Variants in ATF7 observed in about 807,000 individuals in gnomAD.
ATF7 encodes the protein cyclic AMP-dependent transcription factor ATF-7.
In ATF7, 10 loss-of-function variants were observed where a neutral mutation model predicts 50.4. That is an observed-to-expected ratio of 0.20 (90% CI 0.12 to 0.34). The LOEUF (loss-of-function observed/expected upper bound fraction) is 0.34. Among genes scored for constraint, ATF7 ranks in the 10% least tolerant of loss-of-function variants. The pLI is 1.00. For missense variants in ATF7, 465 were observed against 613.9 expected, an observed-to-expected ratio of 0.76 and a Z score of 2.56; for synonymous variants, 201 against 226.4, an observed-to-expected ratio of 0.89 and a Z score of 1.01.
intron 2 of ATF7, 85 bp downstream of exon 2, chr12:53,600,868 T>TG (rs1422117339): frequency 2.2e-6 from 3 of 1,349,604 alleles, no homozygotes; most frequent in Non-Finnish European, 3.1e-6. Flanking sequence ...CGTAAAATAC[T>TG]GGCTTTAAAC....
In ATF7 at chr12:53,516,718, G is replaced by A. The variant is rs1937723957; in HGVS notation, c.*419C>T. On this transcript the variant is annotated 3_prime_UTR_variant, in exon 12 of 12. Coordinates refer to ENST00000420353, the MANE Select transcript of ATF7 (RefSeq NM_006856.3). ...AAATCTAGCCTCCCTCTATCTGGCA[G>A]GAAGTGGCATGCTGGTAAGGAACAA... The A allele has an allele frequency of 1.0e-5, 2 of 192,444 alleles. No homozygotes were observed. Among genetic ancestry groups the A allele is most frequent in the Admixed American group, 1.1e-4 (2 of 18,990 alleles). The allele number at this position is 192,444 out of a possible 1,614,324, so 11.9% of individuals were successfully genotyped here. A position where few individuals can be genotyped will look rare whatever the true frequency, so the allele number is the denominator to read the frequency against.
intron 2 of ATF7, among the ~76,000 whole-genome samples, chr12:53,578,783 CA>C (rs10718181): frequency 0.38 from 40,117 of 106,634 alleles, 6,205 homozygotes; most frequent in African/African-American, 0.5. Flanking sequence ...GATGCTGTCT[CA>C]AAAAAAAAAA....
At chr12:53,542,175 C>T (rs1464422239) in intron 4 of ATF7, among the ~76,000 whole-genome samples, 2 of 147,188 alleles carry the variant, frequency 1.4e-5, no homozygotes, top group Non-Finnish European at 3.0e-5. Flanking sequence ...CCTGTAATCC[C>T]AGCCCTTTGG....
intron 2 of ATF7, among the ~76,000 whole-genome samples, chr12:53,578,151 T>C (rs1192968872): frequency 1.3e-5 from 2 of 152,106 alleles, no homozygotes; most frequent in Non-Finnish European, 2.9e-5. Flanking sequence ...GGCAGATGGA[T>C]TGCTTGTGTC....
At chr12:53,569,191 T>G (rs2137611304) in intron 2 of ATF7, among the ~76,000 whole-genome samples, 1 of 148,694 alleles carries the variant, frequency 6.7e-6, no homozygotes, top group South Asian at 2.1e-4. Context: ...AAATAAAAAA[T>G]AAAAAAGGAA....
rs1242121330 is a variant in ATF7, at chr12:53,587,820, C to CATATATATATATATATATAT, written c.48+13113_48+13132dup. Among the ~76,000 whole-genome samples, 130 of 66,924 alleles carry CATATATATATATATATATAT rather than the reference C, an allele frequency of 1.9e-3. 5 individuals are homozygous for CATATATATATATATATATAT. The highest frequency in any genetic ancestry group is 2.5e-3 in the Non-Finnish European group (76 of 30,028). 43.9% of individuals were successfully genotyped at this position (66,924 alleles called of 152,430 possible). On this transcript the variant is annotated intron_variant, in intron 2 of 11. Coordinates refer to ENST00000420353, the MANE Select transcript of ATF7 (RefSeq NM_006856.3). ...TTTTGATCCTCTATGTATACTTCTA[C>CATATATATATATATATATAT]ATATATATATATATATATATATATT...
rs371003965 is a variant in ATF7 at position 53,580,058 on chromosome 12, G to A, written c.48+20895C>T. ...CGATCCTCCTGCCTCAGCCTCTTGA[G>A]TAGTTGAGACTACAAGCGCACACTG... On this transcript the variant is annotated intron_variant, in intron 2 of 11. Coordinates refer to ENST00000420353, the MANE Select transcript of ATF7 (RefSeq NM_006856.3). Among the ~76,000 whole-genome samples the A allele has an allele frequency of 1.6e-4, 25 of 152,024 alleles. No individual in the cohort carries two copies. In the East Asian group the frequency reaches 4.1e-3, roughly 25 times the overall value.
chr12:53,610,527 T>C (rs1943819004), intron 1 of ATF7, among the ~76,000 whole-genome samples: 1 of 143,930 alleles, frequency 6.9e-6, no homozygotes, highest in South Asian at 2.2e-4. Context: ...ATCACACCAC[T>C]GCACTCCAGC....
chr12:53,611,145 C>T (rs998998050), intron 1 of ATF7, among the ~76,000 whole-genome samples: 2 of 151,996 alleles, frequency 1.3e-5, no homozygotes, highest in African/African-American at 4.8e-5. Flanking sequence ...ACATTTTTAA[C>T]ATTAAGCATG....
At chr12:53,596,131 C>T (rs1178569356) in intron 2 of ATF7, among the ~76,000 whole-genome samples, 1 of 152,072 alleles carries the variant, frequency 6.6e-6, no homozygotes, top group Non-Finnish European at 1.5e-5. Flanking sequence ...AAACCTGTCT[C>T]TACTAAAAAT....
chr12:53,534,470 C>A (rs61921061), intron 6 of ATF7, 32 bp downstream of exon 6: 1 of 1,612,892 alleles, frequency 6.2e-7, no homozygotes, highest in African/African-American at 1.3e-5. Flanking sequence ...GAAATGCAGC[C>A]TTCACTACTT....
chr12:53,541,524 A>C (rs771783763), intron 4 of ATF7, among the ~76,000 whole-genome samples: 2 of 152,168 alleles, frequency 1.3e-5, no homozygotes, highest in Admixed American at 1.3e-4. Context: ...TGCTTCTTCA[A>C]GTATTTCCTC....
chr12:53,524,565 C>T lies in ATF7; in HGVS notation c.1124G>A (p.Ser375Asn). The T allele has an allele frequency of 1.2e-6, 2 of 1,613,822 alleles. No homozygotes were observed. The highest frequency in any genetic ancestry group is 1.7e-6 in the Non-Finnish European group (2 of 1,179,892). The change falls in exon 10 of 12, where the codon AGT becomes AAT. Residue 375 changes from serine (S) to asparagine (N), a missense_variant and splice_region_variant. Ser to Asn is a conservative substitution (Grantham distance 46). Transcript: ENST00000420353. This position sits in a 1 kb window ranked among gnomAD's most constrained non-coding sequence, Gnocchi z 4.6. ...AATAAGCATCCAGGACCCACTCACACTCAGCTGAATGTTCTGAGAAGTGAG... is the reference window on the plus strand; with the variant it reads ...AATAAGCATCCAGGACCCACTCACATTCAGCTGAATGTTCTGAGAAGTGAG... Reference protein sequence around the residue: ...EELTSQNIQLSNEVTLLRNEV... With the variant: ...EELTSQNIQLNNEVTLLRNEV...
chr12:53,603,261 C>G (rs1194228077), intron 1 of ATF7, among the ~76,000 whole-genome samples: 1 of 152,086 alleles, frequency 6.6e-6, no homozygotes, highest in African/African-American at 2.4e-5. Context: ...TGGCTTCCCT[C>G]AAACCACAAA....
At chr12:53,548,302 G>A (rs943514443) in intron 3 of ATF7, among the ~76,000 whole-genome samples, 9 of 151,860 alleles carry the variant, frequency 5.9e-5, no homozygotes, top group African/African-American at 9.7e-5. Context: ...CCACTGTGTC[G>A]CTAGGCCCCA....
chr12:53,508,727 C>T (rs1944072394), downstream of ATF7, among the ~76,000 whole-genome samples: 1 of 152,174 alleles, frequency 6.6e-6, no homozygotes, highest in Non-Finnish European at 1.5e-5. Flanking sequence ...TGAAGCACTG[C>T]TGCCACCCTG....
chr12:53,555,807 G>A (rs1230023973), intron 2 of ATF7, among the ~76,000 whole-genome samples: 5 of 150,598 alleles, frequency 3.3e-5, no homozygotes, highest in East Asian at 2.0e-4. Flanking sequence ...ATCATGCCCC[G>A]TCTTTTTTTG....
intron 1 of ATF7, among the ~76,000 whole-genome samples, chr12:53,616,956 A>G (rs1274122423): frequency 6.6e-6 from 1 of 152,018 alleles, no homozygotes; most frequent in Non-Finnish European, 1.5e-5. Context: ...AAAAAAAAAA[A>G]AAAAAAGGTG....
At chr12:53,551,531 A>G (rs1418232092) in intron 3 of ATF7, among the ~76,000 whole-genome samples, 1 of 152,214 alleles carries the variant, frequency 6.6e-6, no homozygotes, top group African/African-American at 2.4e-5. Context: ...AAGGATTACA[A>G]ATCTACAAGC....
Sources: gnomAD v4.1 joint callset for allele counts (sites outside exome capture counted in the v4.1 genomes callset) on GRCh38, gnomAD v4.1.1 for gene constraint, Gnocchi (gnomAD v3.1) non-coding constraint, MANE v1.5 for transcripts, NCBI Gene and HGNC (gene_info 2026-07-23, HGNC 2026-07-21) for gene names.